DLGAP2: variants seen among roughly 807,000 people sequenced by gnomAD.
DLGAP2 encodes the protein DLG associated protein 2.
In DLGAP2, 26 loss-of-function variants were observed where a neutral mutation model predicts 100.3. The ratio of observed to expected loss-of-function variants is 0.26; its 90% CI spans 0.19 to 0.36. The LOEUF (loss-of-function observed/expected upper bound fraction) is 0.36, where lower values mean the gene tolerates loss of function less well. Ranked by LOEUF, DLGAP2 falls within the 10% of genes least tolerant of loss-of-function variation. The probability of loss-of-function intolerance (pLI) is 1.00; values close to 1 mark genes in which losing one functional copy is unlikely to be tolerated. For missense variants in DLGAP2, 1,858 were observed against 1,453.2 expected (o/e 1.28, Z -4.53); for synonymous variants, 886 against 630.1 (o/e 1.41, Z -6.08).
chr8:1,386,364 T>C (rs1796219685), intron 3 of DLGAP2, among the ~76,000 whole-genome samples: 1 of 152,110 alleles, frequency 6.6e-6, no homozygotes, highest in Non-Finnish European at 1.5e-5. Flanking sequence ...CCTGGAAAAC[T>C]CCCATACACC....
intron 1 of DLGAP2, among the ~76,000 whole-genome samples, chr8:824,307 CT>C (rs1379394748): frequency 6.6e-6 from 1 of 151,994 alleles, no homozygotes; most frequent in Non-Finnish European, 1.5e-5. Context: ...CACTCCTGGG[CT>C]CAAGCAATGT....
Position 766,706 on chromosome 8 carries a change from C to T in DLGAP2, c.18+28881C>T, listed in dbSNP as rs180757539. 1.6e-4 allele frequency among the ~76,000 whole-genome samples: 24 copies of T among 152,298 alleles called. No homozygotes were observed. The East Asian group carries it at 4.6e-3, about 29-fold the overall frequency. ...ATGGTTTTCATTCTTTGAAAAGCAG[C>T]TTTTGTTTTACCAGAGTCAATCACC... On this transcript the variant is annotated intron_variant, in intron 1 of 14. Coordinates refer to ENST00000637795, the MANE Select transcript of DLGAP2 (RefSeq NM_001346810.2).
intron 6 of DLGAP2, among the ~76,000 whole-genome samples, chr8:1,594,243 T>G (rs527977716): frequency 6.6e-6 from 1 of 152,096 alleles, no homozygotes; most frequent in South Asian, 2.1e-4. Flanking sequence ...TTCAAAGAAA[T>G]AAAACAAATC....
At chr8:921,146 C>T (rs1412240798) in intron 2 of DLGAP2, among the ~76,000 whole-genome samples, 4 of 152,184 alleles carry the variant, frequency 2.6e-5, no homozygotes. Flanking sequence ...GATTTCATCT[C>T]AGGCCCTTTT....
intron 2 of DLGAP2, among the ~76,000 whole-genome samples, chr8:1,247,286 G>T (rs1387201209): frequency 1.6e-5 from 2 of 124,750 alleles, no homozygotes; most frequent in Non-Finnish European, 3.3e-5. Context: ...GGTCCACATC[G>T]GTGGCTGGGA....
chr8:1,684,574 T>C (rs149862224), intron 12 of DLGAP2, among the ~76,000 whole-genome samples: 10 of 152,260 alleles, frequency 6.6e-5, no homozygotes, highest in Middle Eastern at 3.4e-3. Flanking sequence ...CCCGAACTGA[T>C]TGAATGAATC....
intron 6 of DLGAP2, among the ~76,000 whole-genome samples, chr8:1,597,376 G>A (rs928654841): frequency 1.3e-5 from 1 of 78,426 alleles, no homozygotes; most frequent in African/African-American, 4.0e-5. Context: ...GAAATTTAAA[G>A]TAGTTTTTTT....
intron 1 of DLGAP2, among the ~76,000 whole-genome samples, chr8:883,012 C>T (rs569632660): frequency 1.4e-4 from 22 of 152,252 alleles, no homozygotes; most frequent in Non-Finnish European, 2.9e-4. Context: ...GTGCTCCACA[C>T]GGGCTCTGGT....
At chr8:1,345,053 G>T (rs1001617328) in intron 3 of DLGAP2, among the ~76,000 whole-genome samples, 3 of 152,194 alleles carry the variant, frequency 2.0e-5, no homozygotes, top group Non-Finnish European at 2.9e-5. Flanking sequence ...TCATTTGAAA[G>T]CTCAGTTATC....
chr8:1,126,183 C>T (rs535455395), intron 2 of DLGAP2, among the ~76,000 whole-genome samples: 1 of 152,350 alleles, frequency 6.6e-6, no homozygotes, highest in Admixed American at 6.5e-5. Context: ...ACCTGCTCCA[C>T]CTGCGAGGCT....
chr8:783,120 A>G (rs1452046067), intron 1 of DLGAP2, among the ~76,000 whole-genome samples: 5 of 152,246 alleles, frequency 3.3e-5, no homozygotes, highest in Non-Finnish European at 7.3e-5. Flanking sequence ...TGTGACCAAC[A>G]CAAGGTCTGT....
chr8:1,690,055 A>T (rs1170052665), intron 12 of DLGAP2, among the ~76,000 whole-genome samples: 1 of 152,192 alleles, frequency 6.6e-6, no homozygotes, highest in East Asian at 1.9e-4. Context: ...TGCTGACAGC[A>T]GACTCAAGAG....
intron 1 of DLGAP2, among the ~76,000 whole-genome samples, chr8:770,334 C>T (rs918781946): frequency 2.0e-5 from 3 of 152,124 alleles, no homozygotes; most frequent in Admixed American, 6.5e-5. Flanking sequence ...CCTCCGCCTC[C>T]CACCCTGGGG....
chr8:1,211,523 G>A (rs1417908456), intron 2 of DLGAP2, among the ~76,000 whole-genome samples: 2 of 152,204 alleles, frequency 1.3e-5, no homozygotes, highest in Non-Finnish European at 2.9e-5. Context: ...TTTTCTGTTT[G>A]TAAACATGTA....
At chr8:1,221,723 C>T (rs1798318364) in intron 2 of DLGAP2, among the ~76,000 whole-genome samples, 1 of 152,212 alleles carries the variant, frequency 6.6e-6, no homozygotes, top group Non-Finnish European at 1.5e-5. Flanking sequence ...CCACCTCTTT[C>T]AGCAATGTTA....
intron 7 of DLGAP2, among the ~76,000 whole-genome samples, chr8:1,630,398 A>G (rs1427857218): frequency 6.6e-6 from 1 of 152,102 alleles, no homozygotes; most frequent in Non-Finnish European, 1.5e-5. Flanking sequence ...TGACAAACCA[A>G]AGTTTGTTGA....
intron 2 of DLGAP2, among the ~76,000 whole-genome samples, chr8:979,943 G>C (rs772106801): frequency 6.6e-6 from 1 of 152,170 alleles, no homozygotes; most frequent in Non-Finnish European, 1.5e-5. Flanking sequence ...TGAGAGAGGG[G>C]CTGGGAGTGA....
Position 848,784 on chromosome 8 carries a change from G to A in DLGAP2, c.19-59128G>A, listed in dbSNP as rs147092088. Among the ~76,000 whole-genome samples, 15 of 147,072 alleles carry A rather than the reference G, an allele frequency of 1.0e-4. No individual in the cohort carries two copies. In the East Asian group the frequency reaches 2.6e-3, roughly 26 times the overall value. On this transcript the variant is annotated intron_variant, in intron 1 of 14. Coordinates refer to ENST00000637795, the MANE Select transcript of DLGAP2 (RefSeq NM_001346810.2). ...GCGGTGCGTGTTCCAGTGTAGGGTC[G>A]TGCGGTGCGTGTTCCAGTGTAGGAA...
intron 1 of DLGAP2, among the ~76,000 whole-genome samples, chr8:896,472 G>A (rs182764926): frequency 6.6e-6 from 1 of 152,204 alleles, no homozygotes; most frequent in African/African-American, 2.4e-5. Context: ...CTAATTTTGG[G>A]GTACCCATCC....
Sources: allele counts gnomAD v4.1 joint callset (sites outside exome capture counted in the v4.1 genomes callset), GRCh38; gene constraint gnomAD v4.1.1; transcripts MANE v1.5; gene names NCBI Gene and HGNC (gene_info 2026-07-23, HGNC 2026-07-21).